Variants in ARHGAP15 observed in about 807,000 individuals in gnomAD.
ARHGAP15 encodes the protein Rho GTPase activating protein 15, also known as rho GTPase-activating protein 15.
A neutral mutation model predicts 63.7 loss-of-function variants in ARHGAP15; 51 were observed. That is an observed-to-expected ratio of 0.80 (90% CI 0.64 to 1.01). The LOEUF is 1.01. Ranked by LOEUF, ARHGAP15 falls within the 50% of genes least tolerant of loss-of-function variation. The probability of loss-of-function intolerance (pLI) is 0.00; values close to 1 mark genes in which losing one functional copy is unlikely to be tolerated. For missense variants in ARHGAP15, 560 were observed against 564.6 expected, an observed-to-expected ratio of 0.99 and a Z score of 0.08; for synonymous variants, 191 against 193.8, an observed-to-expected ratio of 0.99 and a Z score of 0.12.
chr2:143,592,591 C>T (rs1174245507), intron 11 of ARHGAP15, among the ~76,000 whole-genome samples: 1 of 152,156 alleles, frequency 6.6e-6, no homozygotes, highest in Non-Finnish European at 1.5e-5. Context: ...GAGATATAGT[C>T]CAGGTCTCCT....
Position 143,687,592 on chromosome 2 carries a change from A to G in ARHGAP15, c.1139-15827A>G, listed in dbSNP as rs185925563. Among the ~76,000 whole-genome samples, 36 of 152,290 alleles carry G rather than the reference A, an allele frequency of 2.4e-4. No individual in the cohort carries two copies. In the East Asian group the frequency reaches 6.7e-3, roughly 29 times the overall value. ...GGCAAACTCAGACTTTGCTTTCTTG[A>G]TTCTAGAATATATTCACTAAATAAA... On this transcript the variant is annotated intron_variant, in intron 12 of 13. Transcript: ENST00000295095.
intron 10 of ARHGAP15, among the ~76,000 whole-genome samples, chr2:143,520,425 TGA>T (rs1279189900): frequency 6.6e-6 from 1 of 152,060 alleles, no homozygotes; most frequent in Non-Finnish European, 1.5e-5. Flanking sequence ...CAGTAGGGAA[TGA>T]GAGAATAACA....
intron 11 of ARHGAP15, chr2:143,598,049 A>G (rs1182624136): frequency 6.6e-6 from 1 of 152,144 alleles, no homozygotes; most frequent in East Asian, 1.9e-4. Context: ...CTCCTCCCCA[A>G]AGTCTCCACC....
chr2:143,140,393 A>C (rs1288445912), intron 1 of ARHGAP15, among the ~76,000 whole-genome samples: 2 of 152,172 alleles, frequency 1.3e-5, no homozygotes, highest in African/African-American at 4.8e-5. Flanking sequence ...CACATAAAAC[A>C]ATTCAAAAAC....
intron 11 of ARHGAP15, among the ~76,000 whole-genome samples, chr2:143,592,492 A>C (rs764313844): frequency 6.6e-6 from 1 of 152,196 alleles, no homozygotes; most frequent in South Asian, 2.1e-4. Flanking sequence ...CCTTCCCATT[A>C]GTTTCAATGA....
At chr2:143,525,355 CAA>C (rs11291093) in intron 10 of ARHGAP15, among the ~76,000 whole-genome samples, 40 of 139,450 alleles carry the variant, frequency 2.9e-4, no homozygotes, top group Admixed American at 2.8e-4. Flanking sequence ...TTACATGCTC[CAA>C]AAAAAAAAAA....
chr2:143,265,665 G>T (rs1680952828), intron 6 of ARHGAP15, among the ~76,000 whole-genome samples: 1 of 152,066 alleles, frequency 6.6e-6, no homozygotes, highest in Admixed American at 6.5e-5. Context: ...GTTTTCGTAG[G>T]ATATTCCAGG....
chr2:143,613,947 C>T (rs570351830), intron 11 of ARHGAP15, among the ~76,000 whole-genome samples: 425 of 152,258 alleles, frequency 2.8e-3, no homozygotes, highest in Non-Finnish European at 4.5e-3. Flanking sequence ...TTGTAAGGAC[C>T]TTCATGCTGT....
intron 1 of ARHGAP15, among the ~76,000 whole-genome samples, chr2:143,145,007 A>T (rs1689521351): frequency 6.6e-6 from 1 of 152,072 alleles, no homozygotes. Flanking sequence ...CCTCTCCCTC[A>T]TTCTCCTTAA....
intron 6 of ARHGAP15, among the ~76,000 whole-genome samples, chr2:143,304,989 G>T (rs1216466638): frequency 1.3e-5 from 2 of 152,108 alleles, no homozygotes; most frequent in East Asian, 3.9e-4. Context: ...TATACCCAAA[G>T]GATTATAAAT....
At chr2:143,607,628 G>A (rs958830322) in intron 11 of ARHGAP15, 1 of 151,808 alleles carries the variant, frequency 6.6e-6, no homozygotes, top group Non-Finnish European at 1.5e-5. Context: ...GTCCGAATTT[G>A]GCCAGTATGT....
intron 8 of ARHGAP15, among the ~76,000 whole-genome samples, chr2:143,486,422 A>C (rs1319893152): frequency 6.6e-6 from 1 of 151,678 alleles, no homozygotes; most frequent in African/African-American, 2.4e-5. Flanking sequence ...AAAAAAAAAA[A>C]AACTTTAGTC....
chr2:143,380,675 TTGTATATACA>T (rs1687022425), intron 6 of ARHGAP15, among the ~76,000 whole-genome samples: 1 of 151,866 alleles, frequency 6.6e-6, no homozygotes, highest in Non-Finnish European at 1.5e-5. Context: ...CTGCGCTTCC[TTGTATATACA>T]TAAAATGAAG....
At chr2:143,699,461 AAG>A (rs1683988948) in intron 12 of ARHGAP15, among the ~76,000 whole-genome samples, 1 of 152,198 alleles carries the variant, frequency 6.6e-6, no homozygotes, top group African/African-American at 2.4e-5. Context: ...AAAGTGGAAA[AAG>A]AGAGAAAAAT....
intron 6 of ARHGAP15, among the ~76,000 whole-genome samples, chr2:143,428,391 A>C (rs930952203): frequency 4.1e-4 from 62 of 151,916 alleles, no homozygotes; most frequent in African/African-American, 1.1e-3. Flanking sequence ...TTTGCACTGC[A>C]CTGCAACAGC....
intron 6 of ARHGAP15, among the ~76,000 whole-genome samples, chr2:143,391,032 T>C (rs542493805): frequency 1.4e-4 from 22 of 152,302 alleles, no homozygotes; most frequent in African/African-American, 5.3e-4. Flanking sequence ...GGAGAGTTAA[T>C]GTGAAAGTTC....
At chr2:143,661,992 G>A (rs1434713427) in intron 12 of ARHGAP15, among the ~76,000 whole-genome samples, 1 of 152,230 alleles carries the variant, frequency 6.6e-6, no homozygotes, top group African/African-American at 2.4e-5. Flanking sequence ...GAGGCTGGGG[G>A]AGGGGCGCCC....
intron 6 of ARHGAP15, 25 bp downstream of exon 6, chr2:143,250,625 T>G: frequency 6.4e-7 from 1 of 1,573,950 alleles, no homozygotes; most frequent in Non-Finnish European, 8.7e-7. Context: ...TATATTCAAT[T>G]TATTCCTATT....
chr2:143,665,034 A>G lies in ARHGAP15; in HGVS notation c.1139-38385A>G, dbSNP rs992930668. ...TCCTTCTGAAACTATTCCAATCAAT[A>G]GAAAAAGAGAGAATCCTCCCTAACT... On this transcript the variant is annotated intron_variant, in intron 12 of 13. Coordinates refer to ENST00000295095, the MANE Select transcript of ARHGAP15 (RefSeq NM_018460.4). 2.6e-4 allele frequency among the ~76,000 whole-genome samples: 39 copies of G among 152,218 alleles called. No individual in the cohort carries two copies. In the East Asian group the frequency reaches 7.2e-3, roughly 28 times the overall value.
Sources: allele counts gnomAD v4.1 joint callset (sites outside exome capture counted in the v4.1 genomes callset), GRCh38; gene constraint gnomAD v4.1.1; transcripts MANE v1.5; gene names NCBI Gene and HGNC (gene_info 2026-07-23, HGNC 2026-07-21).